The following CADM2 variants were observed in gnomAD, a reference collection of about 807,000 sequenced individuals.
CADM2 encodes the protein immunoglobulin superfamily member 4D.
A neutral mutation model predicts 49.8 loss-of-function variants in CADM2; 12 were observed. The observed-to-expected ratio is 0.24, with a 90% CI of 0.15 to 0.39. CADM2 has a LOEUF of 0.39. Among genes scored for constraint, CADM2 ranks in the 10% least tolerant of loss-of-function variants. The pLI, the probability that CADM2 is intolerant of heterozygous loss-of-function variation, is 1.00. For synonymous variants in CADM2, 214 were observed against 175.4 expected, an observed-to-expected ratio of 1.22 and a Z score of -1.74; for missense variants, 378 against 492.3, an observed-to-expected ratio of 0.77 and a Z score of 2.20.
At position 85,186,778 on chromosome 3, in the gene CADM2, A is replaced by C. The variant is rs532273281; in HGVS notation, c.61+227110A>C. On this transcript the variant is annotated intron_variant, in intron 1 of 9. Transcript: ENST00000383699. ...TTGCTCCTGATTGAGCAATCTTACC[A>C]ATGCTAACTAATAAATTACATGTAT... Among the ~76,000 whole-genome samples, 56 of 152,228 alleles carry C rather than the reference A, an allele frequency of 3.7e-4. 1 individual carries two copies. The highest frequency in any genetic ancestry group is 8.3e-4 in the South Asian group (4 of 4,820).
intron 3 of CADM2, among the ~76,000 whole-genome samples, chr3:85,864,627 T>C (rs778920369): frequency 7.9e-5 from 12 of 152,212 alleles, no homozygotes; most frequent in Non-Finnish European, 1.8e-4. Flanking sequence ...ACAAATTTAG[T>C]AATTCCAAGT....
chr3:85,742,831 G>C (rs2107831546), intron 2 of CADM2, among the ~76,000 whole-genome samples: 1 of 152,250 alleles, frequency 6.6e-6, no homozygotes, highest in Non-Finnish European at 1.5e-5. Context: ...GAGCTTGCTG[G>C]AGCACTTCTC....
chr3:85,510,464 C>T (rs1006775025), intron 1 of CADM2, among the ~76,000 whole-genome samples: 16 of 151,926 alleles, frequency 1.1e-4, no homozygotes, highest in African/African-American at 3.9e-4. Context: ...TTTTACATTC[C>T]GAAAATTGCC....
chr3:85,701,904 GATAGATAT>G lies in CADM2; in HGVS notation c.62-24616_62-24609del, dbSNP rs1306887134. ...AGATAGATAGATAGATAGATAGATA[GATAGATAT>G]AAAGAAAAAGGAAGAAAGAAAAAGA... On this transcript the variant is annotated intron_variant, in intron 1 of 9. Coordinates refer to ENST00000383699, the MANE Select transcript of CADM2 (RefSeq NM_001167675.2). Among the ~76,000 whole-genome samples, 549 of 124,672 alleles carry G rather than the reference GATAGATAT, an allele frequency of 4.4e-3. 4 individuals carry two copies. Among genetic ancestry groups the G allele is most frequent in the African/African-American group, 0.014 (484 of 35,060 alleles). 81.8% of individuals were successfully genotyped at this position (124,672 alleles called of 152,430 possible).
intron 3 of CADM2, among the ~76,000 whole-genome samples, chr3:85,830,082 T>C (rs1306384147): frequency 6.6e-6 from 1 of 151,970 alleles, no homozygotes; most frequent in African/African-American, 2.4e-5. Flanking sequence ...TTTTTATTTT[T>C]GAGGAATCTT....
At chr3:85,704,144 A>G (rs1394706384) in intron 1 of CADM2, among the ~76,000 whole-genome samples, 2 of 152,146 alleles carry the variant, frequency 1.3e-5, no homozygotes, top group Non-Finnish European at 2.9e-5. Context: ...GCCTGATTCA[A>G]GTGTTTGATT....
At chr3:85,040,917 A>T (rs2035407303) in intron 1 of CADM2, among the ~76,000 whole-genome samples, 1 of 152,186 alleles carries the variant, frequency 6.6e-6, no homozygotes, top group Admixed American at 6.5e-5. Flanking sequence ...TTTGGCATGA[A>T]GTCAAACTCA....
At chr3:85,149,009 G>A (rs934624498) in intron 1 of CADM2, among the ~76,000 whole-genome samples, 2 of 151,826 alleles carry the variant, frequency 1.3e-5, no homozygotes, top group Admixed American at 6.6e-5. Context: ...CTCCCAATAC[G>A]TGACTGTCTT....
At chr3:85,819,311 T>C (rs1433651584) in intron 3 of CADM2, among the ~76,000 whole-genome samples, 1 of 152,030 alleles carries the variant, frequency 6.6e-6, no homozygotes, top group Non-Finnish European at 1.5e-5. Context: ...GTCCACTGAC[T>C]CAAAGGTTAA....
intron 1 of CADM2, among the ~76,000 whole-genome samples, chr3:85,365,072 T>A (rs987226814): frequency 4.6e-5 from 7 of 152,106 alleles, no homozygotes; most frequent in African/African-American, 1.7e-4. Context: ...TTATTTTTAT[T>A]CACAATATTT....
At chr3:85,801,349 A>C (rs1244450286) in intron 2 of CADM2, among the ~76,000 whole-genome samples, 2 of 152,150 alleles carry the variant, frequency 1.3e-5, no homozygotes, top group African/African-American at 2.4e-5. Flanking sequence ...ATTATAAAAG[A>C]AATATGTATT....
intron 8 of CADM2, among the ~76,000 whole-genome samples, chr3:86,044,032 C>G (rs1426914131): frequency 6.6e-6 from 1 of 152,154 alleles, no homozygotes; most frequent in Non-Finnish European, 1.5e-5. Context: ...AACTGGATCC[C>G]TTCCTTACAC....
rs948456297 is a variant in CADM2 at position 85,023,033 on chromosome 3, G to C, written c.61+63365G>C. ...ATTTTAGTCTAAATAAAATAGCAAA[G>C]ACTATTCAATTGCTCAGAATAATTT... On this transcript the variant is annotated intron_variant, in intron 1 of 9. Transcript: ENST00000383699. Among the ~76,000 whole-genome samples, 5 of 151,940 alleles carry C rather than the reference G, an allele frequency of 3.3e-5. No individual in the cohort carries two copies. In the East Asian group the frequency reaches 9.6e-4, roughly 29 times the overall value.
intron 1 of CADM2, among the ~76,000 whole-genome samples, chr3:85,387,843 C>T (rs1452548780): frequency 2.0e-5 from 3 of 152,102 alleles, no homozygotes; most frequent in Non-Finnish European, 4.4e-5. Context: ...AGCTATAGCA[C>T]TCAAGTCCTA....
chr3:85,351,019 T>C (rs987657463), intron 1 of CADM2, among the ~76,000 whole-genome samples: 5 of 152,186 alleles, frequency 3.3e-5, no homozygotes, highest in African/African-American at 4.8e-5. Context: ...AACTCAGATA[T>C]ACTGTACCAA....
intron 1 of CADM2, among the ~76,000 whole-genome samples, chr3:84,973,087 A>AT (rs1207661628): frequency 6.6e-6 from 1 of 151,926 alleles, no homozygotes; most frequent in Non-Finnish European, 1.5e-5. Context: ...TAAATTTTCT[A>AT]TTTTTAGTAG....
At chr3:85,328,182 T>C (rs1442498209) in intron 1 of CADM2, among the ~76,000 whole-genome samples, 3 of 152,218 alleles carry the variant, frequency 2.0e-5, no homozygotes, top group Non-Finnish European at 4.4e-5. Flanking sequence ...ACCCTTAGTG[T>C]TTAATATGAA....
chr3:86,051,574 G>A (rs550218509), intron 8 of CADM2, among the ~76,000 whole-genome samples: 18 of 152,174 alleles, frequency 1.2e-4, no homozygotes, highest in South Asian at 4.2e-4. Context: ...ATAAATACCC[G>A]AGACTGGGTA....
chr3:85,845,356 TCACGGGGAAGGTCTCCCTCCGGAGAC>T (rs2074834874), intron 3 of CADM2, among the ~76,000 whole-genome samples: 2 of 152,010 alleles, frequency 1.3e-5, no homozygotes, highest in Non-Finnish European at 2.9e-5. Flanking sequence ...GATGACCAAC[TCACGGGGAAGGTCTCCCTCCGGAGAC>T]CACTCTCAGA....
Sources: gnomAD v4.1 joint callset for allele counts (sites outside exome capture counted in the v4.1 genomes callset) on GRCh38, gnomAD v4.1.1 for gene constraint, MANE v1.5 for transcripts, NCBI Gene and HGNC (gene_info 2026-07-23, HGNC 2026-07-21) for gene names.